Variants in CYP3A43 observed in about 807,000 individuals in gnomAD.
The protein encoded by CYP3A43 is cytochrome P450 3A43.
CYP3A43 carries 45 observed loss-of-function variants against 58.0 expected under a neutral mutation model. That is an observed-to-expected ratio of 0.78 (90% CI 0.61 to 0.99). The LOEUF (loss-of-function observed/expected upper bound fraction) is 0.99, where lower values mean the gene tolerates loss of function less well. Among genes scored for constraint, CYP3A43 ranks in the 50% least tolerant of loss-of-function variants. CYP3A43 has a pLI of 0.00. For missense variants in CYP3A43, 593 were observed against 591.9 expected (o/e 1.00, Z -0.02); for synonymous variants, 191 against 201.4 (o/e 0.95, Z 0.44).
At chr7:99,859,362 T>TCCCTAAGTTCCTTG (rs1818129980) in intron 9 of CYP3A43, among the ~76,000 whole-genome samples, 3 of 152,232 alleles carry the variant, frequency 2.0e-5, no homozygotes, top group Admixed American at 1.3e-4. Context: ...AGTTCCTTTA[T>TCCCTAAGTTCCTTG]ATTTCCCTAA....
intron 7 of CYP3A43, 191 bp downstream of exon 7, chr7:99,849,885 T>C: frequency 1.5e-6 from 1 of 687,286 alleles, no homozygotes; most frequent in Non-Finnish European, 2.4e-6. Context: ...TTTGTAAACT[T>C]CTGAACATTT....
intron 10 of CYP3A43, 115 bp downstream of exon 10, chr7:99,860,105 T>C (rs1818170775): frequency 7.7e-7 from 1 of 1,291,066 alleles, no homozygotes; most frequent in Non-Finnish European, 1.1e-6. Context: ...TTCTTTCATT[T>C]ACACTATGCA....
At chr7:99,844,735 A>C (rs1234737927) in intron 4 of CYP3A43, among the ~76,000 whole-genome samples, 1 of 152,150 alleles carries the variant, frequency 6.6e-6, no homozygotes, top group Non-Finnish European at 1.5e-5. Context: ...TCTGAAAATT[A>C]TTCTCCAAGC....
chr7:99,831,173 G>A (rs915592995), intron 1 of CYP3A43, among the ~76,000 whole-genome samples: 1 of 152,224 alleles, frequency 6.6e-6, no homozygotes, highest in Non-Finnish European at 1.5e-5. Context: ...GGCCTGGCCA[G>A]GGTGCCACTG....
chr7:99,836,068 T>TA (rs1006603096), intron 1 of CYP3A43, among the ~76,000 whole-genome samples: 9 of 152,156 alleles, frequency 5.9e-5, no homozygotes, highest in Non-Finnish European at 1.5e-5. Context: ...AATCAATTAT[T>TA]CAGGCCCCAC....
chr7:99,847,545 T>C lies in CYP3A43; in HGVS notation c.376T>C (p.Trp126Arg), dbSNP rs199963857. The C allele has an allele frequency of 1.2e-6, 2 of 1,614,002 alleles. No homozygotes were observed. The change falls in exon 5 of 13, where the codon TGG becomes CGG. Residue 126 changes from tryptophan (W) to arginine (R), a missense_variant. Transcript: ENST00000354829. ...SALSFAEDEE[W>R]KRIRTLLSPA... ...CTTAAGTTTTGCTGAAGATGAAGAA[T>C]GGAAGAGAATACGAACATTGCTATC...
Position 99,839,167 on chromosome 7 carries a change from G to A in CYP3A43, c.213G>A (p.Met71Ile). The A allele has an allele frequency of 5.0e-6, 8 of 1,614,160 alleles. No individual in the cohort carries two copies. Among genetic ancestry groups the A allele is most frequent in the Non-Finnish European group, 6.8e-6 (8 of 1,180,026 alleles). Residue 71 changes from methionine (M) to isoleucine (I), a missense_variant, in exon 3 of 13, where the codon ATG becomes ATA. Coordinates refer to ENST00000354829, the MANE Select transcript of CYP3A43 (RefSeq NM_057095.3). ...AATGTAATGAAAAATACGGAGAAAT[G>A]TGGGGGTGAGTATTCTGGAAACTTG... The part of the protein sequence containing the change: ...DRECNEKYGE[M>I]WGLYEGQQPM...
At chr7:99,845,477 C>T (rs1314081302) in intron 4 of CYP3A43, among the ~76,000 whole-genome samples, 2 of 152,008 alleles carry the variant, frequency 1.3e-5, no homozygotes, top group Non-Finnish European at 2.9e-5. Context: ...TGTGCACCAC[C>T]GTGCTCATCT....
At chr7:99,854,421 G>A (rs1469296446) in intron 7 of CYP3A43, among the ~76,000 whole-genome samples, 3 of 151,750 alleles carry the variant, frequency 2.0e-5, no homozygotes, top group Non-Finnish European at 2.9e-5. Flanking sequence ...TGGTCAGGCT[G>A]GTCTAACTCC....
chr7:99,842,147 C>G (rs1474351565), intron 3 of CYP3A43, among the ~76,000 whole-genome samples: 1 of 152,100 alleles, frequency 6.6e-6, no homozygotes, highest in Non-Finnish European at 1.5e-5. Flanking sequence ...AAGTTATCTT[C>G]TTTTTCTATG....
chr7:99,839,630 A>G (rs574321027), intron 3 of CYP3A43, among the ~76,000 whole-genome samples: 120 of 152,272 alleles, frequency 7.9e-4, no homozygotes, highest in Non-Finnish European at 1.4e-3. Context: ...GTCTCCCTAT[A>G]GTGGACGCAC....
chr7:99,849,569 A>T lies in CYP3A43; in HGVS notation c.545A>T (p.Asp182Val). 2.5e-6 allele frequency: 4 copies of T among 1,611,326 alleles called. No individual in the cohort carries two copies. Among genetic ancestry groups the T allele is most frequent in the Non-Finnish European group, 2.5e-6 (3 of 1,179,370 alleles). ...LKDFFGAYTMDVITGTLFGVN... is the reference protein window; with the variant it reads ...LKDFFGAYTMVVITGTLFGVN... ...AGTTTCTTTGGGGCCTACACCATGG[A>T]TGTAATCACTGGCACATTATTTGGA... is the stretch of plus-strand genomic sequence containing the variant. Residue 182 changes from aspartate to valine, a missense_variant, in exon 7 of 13, where the codon GAT becomes GTT. Physicochemically the swap from Asp to Val is radical, Grantham distance 152. Coordinates refer to ENST00000354829, the MANE Select transcript of CYP3A43 (RefSeq NM_057095.3).
intron 1 of CYP3A43, among the ~76,000 whole-genome samples, chr7:99,834,229 A>G (rs1816969343): frequency 6.6e-6 from 1 of 152,128 alleles, no homozygotes; most frequent in Admixed American, 6.5e-5. Context: ...ACTGCCCGCA[A>G]CCTTATGATG....
intron 1 of CYP3A43, 55 bp from the exon 2 acceptor site, chr7:99,836,398 C>T (rs1000450318): frequency 1.4e-6 from 2 of 1,455,512 alleles, no homozygotes; most frequent in Admixed American, 1.7e-5. Context: ...TCTGGCCAAC[C>T]CCTTATCTAT....
Position 99,863,701 on chromosome 7 carries a change from T to C in CYP3A43, c.1416+2T>C, listed in dbSNP as rs779752536. 2 of 1,566,442 alleles carry C rather than the reference T, an allele frequency of 1.3e-6. No homozygotes were observed. Among genetic ancestry groups the C allele is most frequent in the East Asian group, 2.3e-5 (1 of 44,048 alleles). Reference sequence around the variant, plus strand: ...TTCAAACCTTGTAAAGAGACTCAGGTCAGTAAACTTTCTTATAAATAATGT... The same window carrying C: ...TTCAAACCTTGTAAAGAGACTCAGGCCAGTAAACTTTCTTATAAATAATGT... On this transcript the variant is annotated splice_donor_variant, in intron 12 of 12. Transcript: ENST00000354829. LOFTEE classifies it high-confidence loss of function.
intron 7 of CYP3A43, among the ~76,000 whole-genome samples, chr7:99,850,487 C>T (rs574690188): frequency 6.2e-4 from 95 of 152,122 alleles, no homozygotes; most frequent in Non-Finnish European, 1.1e-3. Context: ...ATCTCGATCT[C>T]TTGACCTTGT....
At chr7:99,849,842 C>T (rs1039603371) in intron 7 of CYP3A43, 148 bp downstream of exon 7, 30 of 831,196 alleles carry the variant, frequency 3.6e-5, no homozygotes, top group South Asian at 2.8e-4. Context: ...TAAAGATATG[C>T]ACAACCAACA....
intron 12 of CYP3A43, among the ~76,000 whole-genome samples, chr7:99,864,813 G>C (rs1239372396): frequency 6.7e-6 from 1 of 148,358 alleles, no homozygotes; most frequent in Non-Finnish European, 1.5e-5. Context: ...ATATTTGAGT[G>C]TGTATGTCTG....
At chr7:99,861,541 T>C in intron 10 of CYP3A43, 72 bp from the exon 11 acceptor site, 1 of 1,312,052 alleles carries the variant, frequency 7.6e-7, no homozygotes, top group South Asian at 1.3e-5. Flanking sequence ...AACACTTCAA[T>C]AGTACTGCAT....
Sources: gnomAD v4.1 joint callset for allele counts (sites outside exome capture counted in the v4.1 genomes callset) on GRCh38, gnomAD v4.1.1 for gene constraint, MANE v1.5 for transcripts, NCBI Gene and HGNC (gene_info 2026-07-23, HGNC 2026-07-21) for gene names.